The following PPP2R2B variants were observed in gnomAD, a reference collection of about 807,000 sequenced individuals.
The protein encoded by PPP2R2B is protein phosphatase 2 regulatory subunit Bbeta, also known as serine/threonine-protein phosphatase 2A 55 kDa regulatory subunit B beta isoform.
In PPP2R2B, 5 loss-of-function variants were observed where a neutral mutation model predicts 46.0. The ratio of observed to expected loss-of-function variants is 0.11; its 90% CI spans 0.06 to 0.23. PPP2R2B has a LOEUF of 0.23. Ranked by LOEUF, PPP2R2B falls within the 10% of genes least tolerant of loss-of-function variation. The pLI is 1.00. For missense variants in PPP2R2B, 367 were observed against 575.0 expected (o/e 0.64, Z 3.70); for synonymous variants, 215 against 206.7 (o/e 1.04, Z -0.34).
At chr5:146,999,577 TCCCTCTCAGGG>T in intron 1 of PPP2R2B, among the ~76,000 whole-genome samples, 1 of 152,184 alleles carries the variant, frequency 6.6e-6, no homozygotes, top group South Asian at 2.1e-4. Flanking sequence ...CTGTTAGCAA[TCCCTCTCAGGG>T]GACCTTATGT....
chr5:146,627,351 T>C (rs1280955726), intron 7 of PPP2R2B, among the ~76,000 whole-genome samples: 1 of 152,222 alleles, frequency 6.6e-6, no homozygotes, highest in African/African-American at 2.4e-5. Context: ...GCTGATGTCT[T>C]TGGACACATT....
At chr5:146,639,873 T>C (rs558750811) in intron 6 of PPP2R2B, among the ~76,000 whole-genome samples, 1 of 152,360 alleles carries the variant, frequency 6.6e-6, no homozygotes, top group Non-Finnish European at 1.5e-5. Context: ...TGACATGTGA[T>C]AACTGCAAAT....
chr5:146,622,356 G>A (rs541721920), intron 7 of PPP2R2B, among the ~76,000 whole-genome samples: 1 of 152,174 alleles, frequency 6.6e-6, no homozygotes, highest in African/African-American at 2.4e-5. Context: ...TGCCATTATT[G>A]TCCCCATTTT....
chr5:146,889,953 C>G (rs553790970), intron 1 of PPP2R2B, among the ~76,000 whole-genome samples: 1 of 152,118 alleles, frequency 6.6e-6, no homozygotes, highest in African/African-American at 2.4e-5. Context: ...AGAAAAGATG[C>G]GACTTGCCCA....
At chr5:147,039,452 C>T (rs949799520) in intron 1 of PPP2R2B, among the ~76,000 whole-genome samples, 3 of 152,038 alleles carry the variant, frequency 2.0e-5, no homozygotes, top group Non-Finnish European at 2.9e-5. Context: ...AGATAGATCC[C>T]GGGGGGCTCT....
At chr5:146,749,601 C>CTT (rs1753414783) in intron 2 of PPP2R2B, among the ~76,000 whole-genome samples, 1 of 124,104 alleles carries the variant, frequency 8.1e-6, no homozygotes. Context: ...TTTTTCTTTT[C>CTT]TTTTCTTTTT....
At chr5:146,832,379 CTTTTTTTTTTTTTTT>C (rs34269274) in intron 2 of PPP2R2B, among the ~76,000 whole-genome samples, 2 of 70,192 alleles carry the variant, frequency 2.8e-5, no homozygotes, top group Non-Finnish European at 5.4e-5. Context: ...CATTTTTAAT[CTTTTTTTTTTTTTTT>C]TTTTTTTTTT....
At chr5:146,987,079 T>C (rs1025104515) in intron 1 of PPP2R2B, among the ~76,000 whole-genome samples, 1 of 152,138 alleles carries the variant, frequency 6.6e-6, no homozygotes, top group African/African-American at 2.4e-5. Context: ...AAAAACCTTA[T>C]AGTCCAGAAG....
intron 1 of PPP2R2B, among the ~76,000 whole-genome samples, chr5:147,016,065 A>C (rs1392276279): frequency 6.6e-6 from 1 of 151,604 alleles, no homozygotes; most frequent in Non-Finnish European, 1.5e-5. Context: ...AGTTAAAACA[A>C]AAATACTTGC....
intron 2 of PPP2R2B, among the ~76,000 whole-genome samples, chr5:146,849,980 G>A (rs1760243558): frequency 6.6e-6 from 1 of 152,144 alleles, no homozygotes; most frequent in African/African-American, 2.4e-5. Flanking sequence ...AATAAGACCT[G>A]AGAACAGCCT....
intron 1 of PPP2R2B, among the ~76,000 whole-genome samples, chr5:146,886,728 G>C (rs1327161441): frequency 6.6e-6 from 1 of 151,854 alleles, no homozygotes; most frequent in Non-Finnish European, 1.5e-5. Context: ...TATTAGCAAT[G>C]GTTATGCGTA....
chr5:146,649,513 C>T (rs376411613), intron 6 of PPP2R2B, among the ~76,000 whole-genome samples: 8 of 151,524 alleles, frequency 5.3e-5, no homozygotes, highest in East Asian at 3.9e-4. Flanking sequence ...GGTACGATCT[C>T]GGCTTACTGC....
intron 5 of PPP2R2B, among the ~76,000 whole-genome samples, chr5:146,684,299 AT>A (rs1467891946): frequency 1.3e-5 from 2 of 152,218 alleles, no homozygotes; most frequent in Non-Finnish European, 1.5e-5. Flanking sequence ...TATACCGAAA[AT>A]TAAAACCTGG....
chr5:146,920,296 C>T (rs1313564249), intron 1 of PPP2R2B, among the ~76,000 whole-genome samples: 1 of 152,092 alleles, frequency 6.6e-6, no homozygotes, highest in Non-Finnish European at 1.5e-5. Context: ...GGCTCTACAC[C>T]CTGCCTGGCA....
chr5:147,065,260 G>C (rs934028887), intron 2 of PPP2R2B, among the ~76,000 whole-genome samples: 2 of 152,106 alleles, frequency 1.3e-5, no homozygotes, highest in African/African-American at 4.8e-5. Flanking sequence ...GCTTACTTGG[G>C]AAAATGAAAC....
intron 3 of PPP2R2B, 26 bp from the exon 4 acceptor site, chr5:146,698,170 A>C (rs752029584): frequency 6.4e-7 from 1 of 1,554,274 alleles, no homozygotes; most frequent in Non-Finnish European, 8.7e-7. Flanking sequence ...AAAATACACA[A>C]CAGATTAAAT....
chr5:146,747,005 T>C (rs1487764126), intron 2 of PPP2R2B, among the ~76,000 whole-genome samples: 1 of 152,190 alleles, frequency 6.6e-6, no homozygotes, highest in Non-Finnish European at 1.5e-5. Context: ...GGAAGCATTA[T>C]TCAAGGGCTA....
chr5:146,622,606 G>T (rs1425722641), intron 7 of PPP2R2B, among the ~76,000 whole-genome samples: 10 of 152,208 alleles, frequency 6.6e-5, no homozygotes. Flanking sequence ...GCTGGAAGTT[G>T]CTCAGTAGGA....
intron 2 of PPP2R2B, chr5:146,706,594 C>T: frequency 1.2e-6 from 1 of 833,376 alleles, no homozygotes; most frequent in Non-Finnish European, 2.0e-6. Flanking sequence ...TCCTTAATGA[C>T]CAGCTCCCTG....
Sources: gnomAD v4.1 joint callset for allele counts (sites outside exome capture counted in the v4.1 genomes callset) on GRCh38, gnomAD v4.1.1 for gene constraint, MANE v1.5 for transcripts, NCBI Gene and HGNC (gene_info 2026-07-23, HGNC 2026-07-21) for gene names.